The following STK10 variants were observed in gnomAD, a reference collection of about 807,000 sequenced individuals.
STK10 encodes the protein serine/threonine-protein kinase 10.
In STK10, 78 loss-of-function variants were observed where a neutral mutation model predicts 113.8. The ratio of observed to expected loss-of-function variants is 0.69; its 90% CI spans 0.57 to 0.83. The LOEUF is 0.83. Ranked by LOEUF, STK10 falls within the 40% of genes least tolerant of loss-of-function variation. The pLI is 0.00. For synonymous variants in STK10, 465 were observed against 494.7 expected (o/e 0.94, Z 0.80); for missense variants, 1,109 against 1,280.1 (o/e 0.87, Z 2.04).
intron 4 of STK10, among the ~76,000 whole-genome samples, chr5:172,116,241 C>T (rs7724605): frequency 0.012 from 1,892 of 152,028 alleles, 41 homozygotes; most frequent in African/African-American, 0.042. Flanking sequence ...CCACCACGCC[C>T]GGCTAATTTT....
In STK10 at chr5:172,106,558, CA is replaced by C. The variant is rs1403626446; in HGVS notation, c.788+61del. ...TGCACCTCCCCAGCCCCGTCCACCA[CA>C]TATTCCAGCCCTAATCCCGGCGCAG... On this transcript the variant is annotated intron_variant, in intron 6 of 18. Transcript: ENST00000176763. The C allele has an allele frequency of 3.5e-5, 53 of 1,519,280 alleles. No individual in the cohort carries two copies. The East Asian group carries it at 1.2e-3, about 34-fold the overall frequency. 94.1% of individuals were successfully genotyped at this position (1,519,280 alleles called of 1,614,324 possible).
At chr5:172,175,293 C>T (rs998126710) in intron 1 of STK10, among the ~76,000 whole-genome samples, 6 of 151,956 alleles carry the variant, frequency 3.9e-5, no homozygotes, top group African/African-American at 1.4e-4. Flanking sequence ...ATGAAAAAAT[C>T]GGTAAGCTAT....
At chr5:172,089,344 T>C (rs1768635403) in intron 10 of STK10, among the ~76,000 whole-genome samples, 2 of 150,952 alleles carry the variant, frequency 1.3e-5, no homozygotes, top group Admixed American at 6.6e-5. Flanking sequence ...GCAATGGCCT[T>C]ATCTATTTGG....
At position 172,188,074 on chromosome 5, in the gene STK10, C is replaced by A; in HGVS notation, c.-32G>T. ...GGGCGCGGTGGCGCCGGCTCGGGCT[C>A]GGGCTCGGGCTCGGGCTGTGGCTTC... On this transcript the variant is annotated 5_prime_UTR_variant, in exon 1 of 19. Transcript: ENST00000176763. This position sits in a 1 kb window ranked among gnomAD's most constrained non-coding sequence, Gnocchi z 5.6. 6.3e-7 allele frequency: 1 copy of A among 1,596,366 alleles called. No homozygotes were observed. The highest frequency in any genetic ancestry group is 8.5e-7 in the Non-Finnish European group (1 of 1,171,688).
intron 12 of STK10, among the ~76,000 whole-genome samples, chr5:172,066,836 T>C (rs2079270142): frequency 6.6e-6 from 1 of 152,156 alleles, no homozygotes; most frequent in African/African-American, 2.4e-5. Flanking sequence ...ACTGTGTGTG[T>C]GAACACAGAG....
At chr5:172,142,369 C>A (rs1023879620) in intron 2 of STK10, among the ~76,000 whole-genome samples, 1 of 152,148 alleles carries the variant, frequency 6.6e-6, no homozygotes, top group African/African-American at 2.4e-5. Context: ...AGTGCTGTGC[C>A]AAGTTGATTT....
At chr5:172,172,511 C>CTCA (rs1770679451) in intron 1 of STK10, among the ~76,000 whole-genome samples, 1 of 152,224 alleles carries the variant, frequency 6.6e-6, no homozygotes, top group Non-Finnish European at 1.5e-5. Context: ...TGGCACTGGC[C>CTCA]TCATGATGGT....
At chr5:172,048,893 C>T (rs1427337929) in intron 18 of STK10, among the ~76,000 whole-genome samples, 1 of 152,058 alleles carries the variant, frequency 6.6e-6, no homozygotes, top group Non-Finnish European at 1.5e-5. Flanking sequence ...TCTCCGGCCG[C>T]AGGGGTCTCC....
chr5:172,181,974 T>C (rs1310707412), intron 1 of STK10, among the ~76,000 whole-genome samples: 4 of 152,148 alleles, frequency 2.6e-5, no homozygotes, highest in South Asian at 2.1e-4. Flanking sequence ...GCTATTTGTT[T>C]GGTAAACTCC....
Position 172,087,924 on chromosome 5 carries a change from G to A in STK10, c.1685+2308C>T, listed in dbSNP as rs1054670520. On this transcript the variant is annotated intron_variant, in intron 10 of 18. Transcript: ENST00000176763. ...ATTACAGGCGTGAGCCACCGCGCCC[G>A]GCCTTAAATTTATTTTTGAGAGATA... Among the ~76,000 whole-genome samples, 12 of 100,728 alleles carry A rather than the reference G, an allele frequency of 1.2e-4. 1 individual carries two copies. Among genetic ancestry groups the A allele is most frequent in the African/African-American group, 3.0e-4 (6 of 20,242 alleles). 66.1% of individuals were successfully genotyped at this position (100,728 alleles called of 152,430 possible).
intron 3 of STK10, 81 bp from the exon 4 acceptor site, chr5:172,117,711 AAT>A: frequency 6.4e-7 from 1 of 1,570,328 alleles, no homozygotes; most frequent in Non-Finnish European, 8.6e-7. Context: ...GCCAGGGAGA[AAT>A]ATAAAAGCCA....
intron 2 of STK10, among the ~76,000 whole-genome samples, chr5:172,139,402 C>G (rs1769931097): frequency 6.6e-6 from 1 of 151,104 alleles, no homozygotes; most frequent in Non-Finnish European, 1.5e-5. Context: ...GTGGCTCACA[C>G]TGGTAATCTC....
chr5:172,047,989 G>A (rs944548401), intron 18 of STK10, among the ~76,000 whole-genome samples: 1 of 133,072 alleles, frequency 7.5e-6, no homozygotes, highest in Non-Finnish European at 1.5e-5. Flanking sequence ...TGCAACCTCC[G>A]CCTCCCGGGT....
intron 18 of STK10, among the ~76,000 whole-genome samples, chr5:172,052,492 G>A (rs539736901): frequency 1.2e-4 from 19 of 152,330 alleles, no homozygotes; most frequent in African/African-American, 3.6e-4. Flanking sequence ...GTAAACGGGC[G>A]TTGGTTTAAG....
intron 4 of STK10, among the ~76,000 whole-genome samples, chr5:172,113,222 G>C (rs961313862): frequency 2.0e-5 from 3 of 152,138 alleles, no homozygotes; most frequent in Non-Finnish European, 4.4e-5. Flanking sequence ...ACTGCACTGG[G>C]GGGGGTGTCA....
intron 2 of STK10, among the ~76,000 whole-genome samples, chr5:172,127,751 G>A (rs567803794): frequency 1.3e-5 from 2 of 152,310 alleles, no homozygotes; most frequent in South Asian, 4.1e-4. Flanking sequence ...TGCGCCTGGT[G>A]CCCACCTGCC....
At chr5:172,103,839 C>T (rs757681303) in intron 7 of STK10, among the ~76,000 whole-genome samples, 2 of 152,146 alleles carry the variant, frequency 1.3e-5, no homozygotes, top group African/African-American at 2.4e-5. Flanking sequence ...CTTCATAGTA[C>T]CTCTTCATTT....
At chr5:172,085,807 C>T (rs928087582) in intron 10 of STK10, among the ~76,000 whole-genome samples, 1 of 152,126 alleles carries the variant, frequency 6.6e-6, no homozygotes, top group African/African-American at 2.4e-5. Flanking sequence ...AGGCTCCTGG[C>T]GGCCTCTCAG....
chr5:172,132,682 C>G (rs1769779891), intron 2 of STK10, among the ~76,000 whole-genome samples: 1 of 152,242 alleles, frequency 6.6e-6, no homozygotes, highest in Non-Finnish European at 1.5e-5. Flanking sequence ...GATTTGTGGT[C>G]AGTTTAATGC....
Sources: allele counts gnomAD v4.1 joint callset (sites outside exome capture counted in the v4.1 genomes callset), GRCh38; gene constraint gnomAD v4.1.1; non-coding constraint Gnocchi (gnomAD v3.1); transcripts MANE v1.5; gene names NCBI Gene and HGNC (gene_info 2026-07-23, HGNC 2026-07-21).